MACROD2: variants seen among roughly 807,000 people sequenced by gnomAD.
MACROD2 encodes the protein ADP-ribose glycohydrolase MACROD2.
In MACROD2, 36 loss-of-function variants were observed where a neutral mutation model predicts 70.4. That is an observed-to-expected ratio of 0.51 (90% CI 0.39 to 0.68). The LOEUF (loss-of-function observed/expected upper bound fraction) is 0.68. Among genes scored for constraint, MACROD2 ranks in the 30% least tolerant of loss-of-function variants. The pLI is 0.00. For synonymous variants in MACROD2, 172 were observed against 178.8 expected (o/e 0.96, Z 0.30); for missense variants, 496 against 538.4 (o/e 0.92, Z 0.78).
chr20:15,901,023 C>T (rs897948605), intron 10 of MACROD2, among the ~76,000 whole-genome samples: 28 of 152,166 alleles, frequency 1.8e-4, no homozygotes, highest in African/African-American at 6.8e-4. Context: ...CAAAGACTCC[C>T]CTACCTTGCT....
At chr20:15,481,783 G>A (rs969400361) in intron 7 of MACROD2, among the ~76,000 whole-genome samples, 1 of 152,216 alleles carries the variant, frequency 6.6e-6, no homozygotes, top group South Asian at 2.1e-4. Flanking sequence ...ATTGCCTGCA[G>A]TTAAGAGAGA....
chr20:15,182,685 G>A (rs75238952), intron 5 of MACROD2, among the ~76,000 whole-genome samples: 3,262 of 152,204 alleles, frequency 0.021, 112 homozygotes, highest in African/African-American at 0.073. Context: ...CTGATTTGCC[G>A]TGGAGAAAAA....
chr20:15,410,987 C>T (rs2046070173), intron 6 of MACROD2, among the ~76,000 whole-genome samples: 1 of 152,146 alleles, frequency 6.6e-6, no homozygotes, highest in Non-Finnish European at 1.5e-5. Context: ...ATATCTTGAA[C>T]ACCAATCGTT....
At chr20:15,978,308 T>C (rs939826832) in intron 13 of MACROD2, among the ~76,000 whole-genome samples, 1 of 152,158 alleles carries the variant, frequency 6.6e-6, no homozygotes, top group African/African-American at 2.4e-5. Flanking sequence ...TGGACCCTTA[T>C]CTAGGCACTA....
intron 4 of MACROD2, among the ~76,000 whole-genome samples, chr20:14,509,433 C>T (rs1376464641): frequency 6.6e-6 from 1 of 151,876 alleles, no homozygotes; most frequent in Admixed American, 6.6e-5. Context: ...CTATTCCTTG[C>T]CCAATAGAAG....
intron 3 of MACROD2, among the ~76,000 whole-genome samples, chr20:14,361,151 CTG>C (rs1302395126): frequency 6.6e-6 from 1 of 152,090 alleles, no homozygotes; most frequent in Non-Finnish European, 1.5e-5. Context: ...TCTTTGAGGA[CTG>C]TGTTAAATGT....
chr20:14,151,354 C>G (rs2055017948), intron 3 of MACROD2, among the ~76,000 whole-genome samples: 2 of 151,982 alleles, frequency 1.3e-5, no homozygotes, highest in Non-Finnish European at 2.9e-5. Context: ...TGTCTATGAA[C>G]CTGATTTTGT....
rs560364700 is a variant in MACROD2 at position 15,932,887 on chromosome 20, G to A, written c.776-389G>A. Among the ~76,000 whole-genome samples the A allele has an allele frequency of 4.6e-5, 7 of 152,278 alleles. No individual in the cohort carries two copies. The East Asian group carries it at 1.2e-3, about 25-fold the overall frequency. On this transcript the variant is annotated intron_variant, in intron 10 of 17. Transcript: ENST00000684519. ...TTTTTTGCAGCATATATCATACAGAGAAATAAAGGGCGAGAAACTTAGCCA... is the reference window on the plus strand; with the variant it reads ...TTTTTTGCAGCATATATCATACAGAAAAATAAAGGGCGAGAAACTTAGCCA...
chr20:15,590,146 G>A (rs1393084823), intron 8 of MACROD2, among the ~76,000 whole-genome samples: 2 of 152,130 alleles, frequency 1.3e-5, no homozygotes, highest in Non-Finnish European at 2.9e-5. Flanking sequence ...TGAAAGGTGT[G>A]GAAATTTGTG....
In MACROD2 at chr20:14,855,711, A is replaced by T. The variant is rs555063921; in HGVS notation, c.418+170752A>T. 5.9e-5 allele frequency among the ~76,000 whole-genome samples: 8 copies of T among 136,742 alleles called. No homozygotes were observed. The East Asian group carries it at 1.8e-3, about 31-fold the overall frequency. 89.7% of individuals were successfully genotyped at this position (136,742 alleles called of 152,430 possible). A position where few individuals can be genotyped will look rare whatever the true frequency, so the allele number is the denominator to read the frequency against. On this transcript the variant is annotated intron_variant, in intron 5 of 17. Coordinates refer to ENST00000684519, the MANE Select transcript of MACROD2 (RefSeq NM_001351661.2). Reference sequence around the variant, plus strand: ...AAGACTATTACGTTAATATCTTTGTATCTTTTACAAGCTTTAATTTACCCC... The same window carrying T: ...AAGACTATTACGTTAATATCTTTGTTTCTTTTACAAGCTTTAATTTACCCC...
At chr20:14,134,807 A>AAAAC (rs1242885803) in intron 3 of MACROD2, among the ~76,000 whole-genome samples, 12 of 151,146 alleles carry the variant, frequency 7.9e-5, no homozygotes, top group African/African-American at 2.9e-4. Flanking sequence ...GTGTCAAAAA[A>AAAAC]AAAAAAAAAA....
chr20:15,070,064 G>A (rs938305051), intron 5 of MACROD2, among the ~76,000 whole-genome samples: 5 of 152,140 alleles, frequency 3.3e-5, no homozygotes, highest in African/African-American at 1.2e-4. Context: ...AAGCTACAGG[G>A]GCAGGGCTTC....
intron 3 of MACROD2, among the ~76,000 whole-genome samples, chr20:14,202,642 A>C (rs1980701): frequency 0.95 from 144,161 of 152,294 alleles, 68,259 homozygotes; most frequent in East Asian, 0.99. Flanking sequence ...GAATATAAGA[A>C]GAAAAGAAGT....
chr20:14,834,852 G>A lies in MACROD2; in HGVS notation c.418+149893G>A, dbSNP rs184093837. ...GTTGCATGTCTATGAGAATATGTGT[G>A]TATATATATTTATATGTGTGTATAT... is the stretch of plus-strand genomic sequence containing the variant. On this transcript the variant is annotated intron_variant, in intron 5 of 17. Coordinates refer to ENST00000684519, the MANE Select transcript of MACROD2 (RefSeq NM_001351661.2). Among the ~76,000 whole-genome samples, 15 of 151,832 alleles carry A rather than the reference G, an allele frequency of 9.9e-5. No homozygotes were observed. The East Asian group carries it at 1.9e-3, about 20-fold the overall frequency.
intron 3 of MACROD2, among the ~76,000 whole-genome samples, chr20:14,172,695 A>AT (rs1569190258): frequency 6.6e-6 from 1 of 151,918 alleles, no homozygotes; most frequent in Admixed American, 6.6e-5. Context: ...ATATTATGCG[A>AT]TTTTTTGCCT....
chr20:15,943,195 G>C (rs2065774210), intron 12 of MACROD2, among the ~76,000 whole-genome samples: 1 of 152,188 alleles, frequency 6.6e-6, no homozygotes, highest in African/African-American at 2.4e-5. Context: ...CAAGAGATGA[G>C]AGCACAAATT....
At chr20:14,878,827 T>C (rs575105266) in intron 5 of MACROD2, among the ~76,000 whole-genome samples, 53 of 152,266 alleles carry the variant, frequency 3.5e-4, no homozygotes, top group African/African-American at 1.2e-3. Context: ...ACTCTTCCAG[T>C]TCAAAGGCCC....
intron 10 of MACROD2, among the ~76,000 whole-genome samples, chr20:15,925,797 A>T (rs1408720489): frequency 6.6e-6 from 1 of 152,124 alleles, no homozygotes; most frequent in Non-Finnish European, 1.5e-5. Context: ...TACAGGTTCC[A>T]TTTTTCCTCT....
At chr20:15,834,957 G>A (rs768286436) in intron 8 of MACROD2, among the ~76,000 whole-genome samples, 37 of 152,062 alleles carry the variant, frequency 2.4e-4, no homozygotes, top group Non-Finnish European at 4.9e-4. Context: ...TTGAGGCTAA[G>A]TTATAAAAGG....
Sources: allele counts gnomAD v4.1 joint callset (sites outside exome capture counted in the v4.1 genomes callset), GRCh38; gene constraint gnomAD v4.1.1; transcripts MANE v1.5; gene names NCBI Gene and HGNC (gene_info 2026-07-23, HGNC 2026-07-21).